The following GLIS3 variants were observed in gnomAD, a reference collection of about 807,000 sequenced individuals.
GLIS3 encodes the protein zinc finger protein GLIS3.
Under a neutral mutation model 78.6 loss-of-function variants are expected in GLIS3, and 53 were observed. That is an observed-to-expected ratio of 0.67 (90% CI 0.54 to 0.85). The LOEUF (loss-of-function observed/expected upper bound fraction) is 0.85. Ranked by LOEUF, GLIS3 falls within the 40% of genes least tolerant of loss-of-function variation. The probability of loss-of-function intolerance (pLI) is 0.00; values close to 1 mark genes in which losing one functional copy is unlikely to be tolerated. For synonymous variants in GLIS3, 684 were observed against 509.9 expected (o/e 1.34, Z -4.60); for missense variants, 1,703 against 1,231.1 (o/e 1.38, Z -5.74).
intron 1 of GLIS3, among the ~76,000 whole-genome samples, chr9:4,293,638 C>G (rs934212688): frequency 4.6e-5 from 7 of 151,792 alleles, no homozygotes; most frequent in African/African-American, 1.7e-4. Context: ...GTAACTAGCC[C>G]TGGCATCTGG....
chr9:4,206,205 G>A (rs1268074777), intron 2 of GLIS3, among the ~76,000 whole-genome samples: 3 of 152,276 alleles, frequency 2.0e-5, no homozygotes, highest in South Asian at 4.1e-4. Flanking sequence ...GTGACCAAGG[G>A]ATATTGCAAG....
intron 3 of GLIS3, among the ~76,000 whole-genome samples, chr9:4,309,891 C>G (rs1817319244): frequency 6.6e-6 from 1 of 152,060 alleles, no homozygotes; most frequent in African/African-American, 2.4e-5. Flanking sequence ...TTATAATGCA[C>G]AAATTTGGCG....
At chr9:4,031,889 G>A (rs749332466) in intron 4 of GLIS3, among the ~76,000 whole-genome samples, 5 of 152,060 alleles carry the variant, frequency 3.3e-5, no homozygotes, top group African/African-American at 4.8e-5. Context: ...TTTTAAACCC[G>A]CATTTTTTCA....
At chr9:3,913,855 CAG>C (rs1491424568) in intron 6 of GLIS3, among the ~76,000 whole-genome samples, 14 of 152,192 alleles carry the variant, frequency 9.2e-5, no homozygotes, top group Non-Finnish European at 1.8e-4. Context: ...CAACCTAAAA[CAG>C]TCCTTCTTTT....
intron 4 of GLIS3, among the ~76,000 whole-genome samples, chr9:4,049,982 A>G (rs969635530): frequency 2.0e-5 from 3 of 152,114 alleles, no homozygotes; most frequent in Non-Finnish European, 2.9e-5. Context: ...AAATAGGAAC[A>G]CTTTTACACT....
At chr9:4,155,517 C>T (rs140594473) in intron 2 of GLIS3, among the ~76,000 whole-genome samples, 1,679 of 152,286 alleles carry the variant, frequency 0.011, 12 homozygotes, top group Non-Finnish European at 0.017. Flanking sequence ...GAACTCAAAA[C>T]GTTTGTGCCT....
At chr9:4,407,443 A>G in the GLIS3 span, among the ~76,000 whole-genome samples, 1 of 152,200 alleles carries the variant, frequency 6.6e-6, no homozygotes, top group East Asian at 1.9e-4. Flanking sequence ...CAGGAGATCG[A>G]GACCATCCTG....
At chr9:3,971,466 A>T (rs1310639490) in intron 4 of GLIS3, among the ~76,000 whole-genome samples, 1 of 152,202 alleles carries the variant, frequency 6.6e-6, no homozygotes, top group Non-Finnish European at 1.5e-5. Context: ...GAAAATTCTA[A>T]ATAAGCCATT....
chr9:4,424,180 T>G, the GLIS3 span, among the ~76,000 whole-genome samples: 14 of 152,200 alleles, frequency 9.2e-5, no homozygotes, highest in Non-Finnish European at 2.1e-4. Context: ...AAGAAGCCTA[T>G]GAGGTAGCAG....
intron 4 of GLIS3, among the ~76,000 whole-genome samples, chr9:4,028,584 G>A (rs1358036756): frequency 3.3e-5 from 5 of 152,110 alleles, no homozygotes; most frequent in African/African-American, 4.8e-5. Context: ...TACCTGTGTA[G>A]CCTAGATCAA....
At chr9:3,995,777 GA>G (rs1820694471) in intron 4 of GLIS3, among the ~76,000 whole-genome samples, 2 of 151,790 alleles carry the variant, frequency 1.3e-5, no homozygotes, top group African/African-American at 2.4e-5. Context: ...GACAAAGTGA[GA>G]AAAAAATATG....
At chr9:4,024,203 G>C (rs753037190) in intron 4 of GLIS3, among the ~76,000 whole-genome samples, 4 of 152,150 alleles carry the variant, frequency 2.6e-5, no homozygotes, top group African/African-American at 9.7e-5. Flanking sequence ...CAGTCTGTCT[G>C]CAGGTGTTCA....
At chr9:4,413,387 G>C in the GLIS3 span, among the ~76,000 whole-genome samples, 2 of 152,128 alleles carry the variant, frequency 1.3e-5, no homozygotes, top group Middle Eastern at 3.4e-3. Flanking sequence ...CCAATCTCAC[G>C]GTCATACTGT....
chr9:4,418,512 A>G, the GLIS3 span, among the ~76,000 whole-genome samples: 3 of 152,220 alleles, frequency 2.0e-5, no homozygotes, highest in Non-Finnish European at 4.4e-5. Flanking sequence ...CAGGCTGGCC[A>G]ACATGGTGAA....
chr9:4,267,057 A>T (rs187924525), intron 2 of GLIS3, among the ~76,000 whole-genome samples: 1 of 152,344 alleles, frequency 6.6e-6, no homozygotes, highest in East Asian at 1.9e-4. Context: ...ATCAGGAAGC[A>T]AAATGGAGAA....
chr9:3,983,038 G>GT (rs1354651622), intron 4 of GLIS3, among the ~76,000 whole-genome samples: 13 of 152,294 alleles, frequency 8.5e-5, no homozygotes, highest in African/African-American at 3.1e-4. Flanking sequence ...GCTTGATGTG[G>GT]TTGGCTGTGT....
intron 2 of GLIS3, among the ~76,000 whole-genome samples, chr9:4,321,072 C>G (rs1817516335): frequency 6.6e-6 from 1 of 151,700 alleles, no homozygotes; most frequent in South Asian, 2.1e-4. Flanking sequence ...CTCTTCTATT[C>G]CAGTCATCCT....
chr9:4,006,985 G>A (rs567975993), intron 4 of GLIS3, among the ~76,000 whole-genome samples: 8 of 152,326 alleles, frequency 5.3e-5, no homozygotes, highest in African/African-American at 1.9e-4. Context: ...GTATTTTGCT[G>A]TTGGCCAAAA....
chr9:3,913,785 G>T (rs1824306052), intron 6 of GLIS3, among the ~76,000 whole-genome samples: 1 of 152,134 alleles, frequency 6.6e-6, no homozygotes, highest in African/African-American at 2.4e-5. Context: ...ATATCAATAT[G>T]TGTGCACATC....
Sources: allele counts gnomAD v4.1 joint callset (sites outside exome capture counted in the v4.1 genomes callset), GRCh38; gene constraint gnomAD v4.1.1; transcripts MANE v1.5; gene names NCBI Gene and HGNC (gene_info 2026-07-23, HGNC 2026-07-21).